Variants in XYLB observed in about 807,000 individuals in gnomAD.
XYLB encodes xylulose kinase.
In XYLB, 62 loss-of-function variants were observed where a neutral mutation model predicts 78.7. The observed-to-expected ratio is 0.79, with a 90% CI of 0.64 to 0.97. The LOEUF is 0.97. Among genes scored for constraint, XYLB ranks in the 50% least tolerant of loss-of-function variants. The pLI is 0.00. For missense variants in XYLB, 687 were observed against 676.8 expected (o/e 1.02, Z -0.17); for synonymous variants, 245 against 247.4 (o/e 0.99, Z 0.09).
intron 16 of XYLB, among the ~76,000 whole-genome samples, chr3:38,395,908 TCGCTGATTCTCCAA>T (rs1162346327): frequency 6.6e-6 from 1 of 152,222 alleles, no homozygotes. Context: ...AATGTAACCA[TCGCTGATTCTCCAA>T]CCAGTCCTCT....
At chr3:38,387,659 A>C (rs1425854272) in intron 15 of XYLB, among the ~76,000 whole-genome samples, 2 of 152,222 alleles carry the variant, frequency 1.3e-5, no homozygotes, top group Non-Finnish European at 2.9e-5. Context: ...GGCATGAGTC[A>C]CTGTGCCCGG....
chr3:38,363,420 TTAA>T lies in XYLB; in HGVS notation c.291+408_291+410del, dbSNP rs569934087. On this transcript the variant is annotated intron_variant, in intron 4 of 18. Transcript: ENST00000207870. ...AGTAGTTTCAGTAGAAGGAAGAGTA[TTAA>T]TAATGATATCAGAGGACATTGACTG... is the stretch of plus-strand genomic sequence containing the variant. Among the ~76,000 whole-genome samples, 378 of 134,874 alleles carry T rather than the reference TTAA, an allele frequency of 2.8e-3. 1 individual carries two copies. Among genetic ancestry groups the T allele is most frequent in the African/African-American group, 9.9e-3 (368 of 37,014 alleles). The allele number at this position is 134,874 out of a possible 152,430, so 88.5% of individuals were successfully genotyped here.
chr3:38,352,810 A>G (rs940689059), intron 2 of XYLB, among the ~76,000 whole-genome samples: 4 of 151,714 alleles, frequency 2.6e-5, no homozygotes, highest in Non-Finnish European at 5.9e-5. Context: ...CCTTGTCTAA[A>G]AAGTAAAAAA....
chr3:38,410,634 A>C (rs1466157765), intron 18 of XYLB, among the ~76,000 whole-genome samples: 1 of 152,232 alleles, frequency 6.6e-6, no homozygotes, highest in Admixed American at 6.5e-5. Flanking sequence ...CAATCTACTC[A>C]TCTGACAAAG....
intron 4 of XYLB, among the ~76,000 whole-genome samples, chr3:38,363,394 T>C (rs966235341): frequency 6.6e-6 from 1 of 151,760 alleles, no homozygotes. Context: ...CTAATAATGA[T>C]AGTAGTTTCA....
In XYLB at chr3:38,366,854, AG is replaced by A; in HGVS notation, c.556del (p.Ala186ProfsTer34). ...GCAAAAATTTACCAGCAGAACCCCG[AG>A]GCCTACTCACATACGGAGGTTGGTT... ...QIAKIYQQNP[E>X]AYSHTERISL... On this transcript the variant is annotated frameshift_variant, in exon 7 of 19. Transcript: ENST00000207870. LOFTEE classifies it high-confidence loss of function. The A allele has an allele frequency of 6.2e-7, 1 of 1,612,954 alleles. No homozygotes were observed. The highest frequency in any genetic ancestry group is 8.5e-7 in the Non-Finnish European group (1 of 1,178,936).
chr3:38,421,781 G>A (rs1160679819), downstream of XYLB, among the ~76,000 whole-genome samples: 1 of 152,094 alleles, frequency 6.6e-6, no homozygotes, highest in African/African-American at 2.4e-5. Context: ...GCAGAGTAGG[G>A]AGAGGTTTGT....
rs1273606428 is a variant in XYLB, at chr3:38,381,227, A to G, written c.1291+1885A>G. On this transcript the variant is annotated intron_variant, in intron 15 of 18. Coordinates refer to ENST00000207870, the MANE Select transcript of XYLB (RefSeq NM_005108.4). ...TTTATAATTTCTTACACCTGTCTTT[A>G]CTGCAATCTCTAAACATAAATTGTA... Among the ~76,000 whole-genome samples the G allele has an allele frequency of 2.6e-5, 4 of 152,250 alleles. No individual in the cohort carries two copies. In the South Asian group the frequency reaches 8.3e-4, roughly 31 times the overall value.
intron 3 of XYLB, among the ~76,000 whole-genome samples, chr3:38,360,790 T>G (rs1705925971): frequency 6.6e-6 from 1 of 152,160 alleles, no homozygotes; most frequent in Non-Finnish European, 1.5e-5. Flanking sequence ...TCCCAGCACT[T>G]TGGGAGGCCG....
chr3:38,362,480 C>T (rs1232649963), intron 3 of XYLB, among the ~76,000 whole-genome samples: 1 of 152,158 alleles, frequency 6.6e-6, no homozygotes, highest in Admixed American at 6.5e-5. Flanking sequence ...TCAAGTGATC[C>T]TCCTGCCTTG....
At chr3:38,359,532 C>G (rs1705856318) in intron 2 of XYLB, among the ~76,000 whole-genome samples, 1 of 152,220 alleles carries the variant, frequency 6.6e-6, no homozygotes, top group Admixed American at 6.5e-5. Flanking sequence ...GTCTTCTAGT[C>G]TGTTCCTATA....
intron 13 of XYLB, 38 bp from the exon 14 acceptor site, chr3:38,376,880 G>A: frequency 1.3e-6 from 2 of 1,575,380 alleles, no homozygotes; most frequent in Middle Eastern, 1.7e-4. Flanking sequence ...TTTGTTTTTT[G>A]ACTAATGACG....
intron 2 of XYLB, among the ~76,000 whole-genome samples, chr3:38,358,306 G>GTT (rs1245861848): frequency 6.4e-4 from 62 of 96,856 alleles, no homozygotes; most frequent in African/African-American, 1.6e-3. Context: ...TGCCAGTTTT[G>GTT]TTTTGTGTGT....
intron 9 of XYLB, chr3:38,372,448 G>C: frequency 1.0e-6 from 1 of 985,364 alleles, no homozygotes; most frequent in Non-Finnish European, 1.2e-6. Flanking sequence ...TTCCAAACCT[G>C]CACTGGACTT....
intron 16 of XYLB, 59 bp from the exon 17 acceptor site, chr3:38,397,013 A>G: frequency 1.9e-6 from 3 of 1,557,972 alleles, no homozygotes; most frequent in Non-Finnish European, 2.7e-6. Flanking sequence ...GCATCCCACA[A>G]TGTCTGTGTT....
chr3:38,390,958 A>G (rs1323526009), intron 15 of XYLB, among the ~76,000 whole-genome samples: 1 of 152,084 alleles, frequency 6.6e-6, no homozygotes. Flanking sequence ...AGTCACTTAC[A>G]CCTGTAATCC....
intron 10 of XYLB, among the ~76,000 whole-genome samples, chr3:38,373,838 T>C (rs1342513704): frequency 6.6e-6 from 1 of 152,152 alleles, no homozygotes; most frequent in African/African-American, 2.4e-5. Flanking sequence ...CTGGGGCCCT[T>C]CAGCAATCAA....
intron 16 of XYLB, 53 bp from the exon 17 acceptor site, chr3:38,397,019 G>C: frequency 1.3e-6 from 2 of 1,574,884 alleles, no homozygotes; most frequent in South Asian, 1.1e-5. Flanking sequence ...CACAATGTCT[G>C]TGTTCCCTCT....
At chr3:38,389,424 AT>A (rs1290635075) in intron 15 of XYLB, among the ~76,000 whole-genome samples, 1 of 151,952 alleles carries the variant, frequency 6.6e-6, no homozygotes, top group Non-Finnish European at 1.5e-5. Flanking sequence ...CAAAACCGCC[AT>A]CGTCATCATG....
Sources: allele counts gnomAD v4.1 joint callset (sites outside exome capture counted in the v4.1 genomes callset), GRCh38; gene constraint gnomAD v4.1.1; transcripts MANE v1.5; gene names NCBI Gene and HGNC (gene_info 2026-07-23, HGNC 2026-07-21).